Variants in MAG observed in about 807,000 individuals in gnomAD.
MAG encodes the protein myelin associated glycoprotein, also known as myelin-associated glycoprotein.
MAG carries 30 observed loss-of-function variants against 60.7 expected under a neutral mutation model. The ratio of observed to expected loss-of-function variants is 0.49; its 90% CI spans 0.37 to 0.67. The LOEUF is 0.67. Among genes scored for constraint, MAG ranks in the 30% least tolerant of loss-of-function variants. The pLI, the probability that MAG is intolerant of heterozygous loss-of-function variation, is 0.00. For missense variants in MAG, 795 were observed against 851.7 expected (o/e 0.93, Z 0.83); for synonymous variants, 384 against 376.8 (o/e 1.02, Z -0.22).
At chr19:35,304,479 GC>G (rs1368682486) in intron 7 of MAG, among the ~76,000 whole-genome samples, 1 of 152,120 alleles carries the variant, frequency 6.6e-6, no homozygotes, top group African/African-American at 2.4e-5. Flanking sequence ...TTAGGGGCCT[GC>G]CCTGGGCCAG....
intron 6 of MAG, 115 bp downstream of exon 6, chr19:35,300,519 T>C (rs1193572341): frequency 7.5e-7 from 1 of 1,342,008 alleles, no homozygotes; most frequent in African/African-American, 1.5e-5. Context: ...CCATAAACAG[T>C]CGAGGCCAAG....
At chr19:35,302,803 C>T in intron 7 of MAG, 95 bp downstream of exon 7, 2 of 1,473,780 alleles carry the variant, frequency 1.4e-6, no homozygotes, top group South Asian at 1.3e-5. Flanking sequence ...TCAGTATTGG[C>T]TTTGCCTGTC....
chr19:35,299,887 G>GGCGGAACCTGGCAGTCC, intron 5 of MAG, 37 bp downstream of exon 5: 1 of 1,116,506 alleles, frequency 9.0e-7, no homozygotes, highest in Non-Finnish European at 1.2e-6. Flanking sequence ...GTGGGGCGGG[G>GGCGGAACCTGGCAGTCC]TGGGGCGGGG....
chr19:35,296,037 A>G, intron 4 of MAG, 56 bp downstream of exon 4: 1 of 1,519,414 alleles, frequency 6.6e-7, no homozygotes, highest in East Asian at 2.3e-5. Flanking sequence ...GGCGGGAAGG[A>G]GTGTGGCCGG....
intron 10 of MAG, 136 bp from the exon 11 acceptor site, chr19:35,313,154 G>A: frequency 1.1e-6 from 1 of 906,136 alleles, no homozygotes; most frequent in South Asian, 2.5e-5. Flanking sequence ...TGGGCCTGCG[G>A]TCCTTGAGAA....
intron 7 of MAG, among the ~76,000 whole-genome samples, chr19:35,308,283 T>A (rs1599657129): frequency 6.6e-6 from 1 of 152,170 alleles, no homozygotes; most frequent in Admixed American, 6.5e-5. Flanking sequence ...GTGTTCCAAG[T>A]TGAGGGAGAA....
chr19:35,299,064 T>C (rs1435417974), intron 4 of MAG, among the ~76,000 whole-genome samples: 2 of 134,472 alleles, frequency 1.5e-5, no homozygotes, highest in African/African-American at 5.3e-5. Flanking sequence ...CACACACACA[T>C]ACCTACACAC....
chr19:35,304,175 ATCTTCAGGCACTT>A (rs533019419), intron 7 of MAG, among the ~76,000 whole-genome samples: 1 of 152,118 alleles, frequency 6.6e-6, no homozygotes, highest in African/African-American at 2.4e-5. Context: ...CTGACCTATA[ATCTTCAGGCACTT>A]TCCCTCCTGG....
chr19:35,300,112 C>CCTG (rs2066436977), intron 5 of MAG, 35 bp from the exon 6 acceptor site: 1 of 1,504,792 alleles, frequency 6.6e-7, no homozygotes, highest in Non-Finnish European at 8.9e-7. Flanking sequence ...TTCCCCAGCA[C>CCTG]CTGCTCACTA....
intron 4 of MAG, among the ~76,000 whole-genome samples, chr19:35,296,696 A>G (rs73031716): frequency 0.14 from 20,634 of 151,534 alleles, 1,669 homozygotes; most frequent in Non-Finnish European, 0.19. Flanking sequence ...CTGAGTCCCT[A>G]TGAGAGAGCC....
At position 35,294,173 on chromosome 19, in the gene MAG, G is replaced by C. The variant is rs917772823; in HGVS notation, c.-79-62G>C. 31 of 379,614 alleles carry C rather than the reference G, an allele frequency of 8.2e-5. 1 individual carries two copies. Among genetic ancestry groups the C allele is most frequent in the South Asian group, 5.6e-4 (30 of 53,580 alleles). 23.5% of individuals were successfully genotyped at this position (379,614 alleles called of 1,614,324 possible). The stretch of plus-strand genomic sequence containing the variant: ...CAACCCATGCAGGAGATACTGAAGC[G>C]GGGGTGGGTTGGGTGCCTCAATCCC... On this transcript the variant is annotated intron_variant, in intron 1 of 10. Coordinates refer to ENST00000392213, the MANE Select transcript of MAG (RefSeq NM_002361.4).
At chr19:35,312,109 T>G (rs1599660550) in intron 10 of MAG, 92 bp downstream of exon 10, 3 of 1,344,652 alleles carry the variant, frequency 2.2e-6, no homozygotes, top group Admixed American at 3.4e-5. Flanking sequence ...GGCAGGGGAG[T>G]GGGAGCGGCC....
rs910177404 is a variant in MAG, at chr19:35,296,225, G to A, written c.415+244G>A. Among the ~76,000 whole-genome samples, 3 of 152,218 alleles carry A rather than the reference G, an allele frequency of 2.0e-5. No individual in the cohort carries two copies. In the East Asian group the frequency reaches 5.8e-4, roughly 29 times the overall value. Reference sequence around the variant, plus strand: ...GGAAACAGGTGCTGCTACTCTTTTGGAAACACCTGGAGAAAGGCAGTGGGG... The same window carrying A: ...GGAAACAGGTGCTGCTACTCTTTTGAAAACACCTGGAGAAAGGCAGTGGGG... On this transcript the variant is annotated intron_variant, in intron 4 of 10. Coordinates refer to ENST00000392213, the MANE Select transcript of MAG (RefSeq NM_002361.4).
intron 7 of MAG, among the ~76,000 whole-genome samples, chr19:35,303,229 T>C (rs1728181168): frequency 6.6e-6 from 1 of 152,142 alleles, no homozygotes; most frequent in Non-Finnish European, 1.5e-5. Context: ...CAGCCTGGGG[T>C]GGGCTTTTGA....
At chr19:35,308,704 C>T (rs1322432524) in intron 7 of MAG, among the ~76,000 whole-genome samples, 6 of 152,204 alleles carry the variant, frequency 3.9e-5, no homozygotes, top group South Asian at 2.1e-4. Context: ...AGCAAAATCT[C>T]GCCTAAAGAA....
chr19:35,300,116 C>T, intron 5 of MAG, 31 bp from the exon 6 acceptor site: 1 of 1,507,712 alleles, frequency 6.6e-7, no homozygotes, highest in Non-Finnish European at 8.9e-7. Context: ...CCAGCACCTG[C>T]TCACTAACCT....
intron 9 of MAG, among the ~76,000 whole-genome samples, chr19:35,311,157 C>A (rs1025987290): frequency 6.6e-6 from 1 of 152,140 alleles, no homozygotes; most frequent in Non-Finnish European, 1.5e-5. Context: ...CATAGCAAGA[C>A]CACATCTCTA....
In MAG at chr19:35,311,435, G is replaced by A. The variant is rs56817268; in HGVS notation, c.1617-483G>A. On this transcript the variant is annotated intron_variant, in intron 9 of 10. Transcript: ENST00000392213. Reference sequence around the variant, plus strand: ...GCTATGATTTCACCACTGTACTCCAGCCTAGGTGACAAAGAGAGACCCTGT... The same window carrying A: ...GCTATGATTTCACCACTGTACTCCAACCTAGGTGACAAAGAGAGACCCTGT... Among the ~76,000 whole-genome samples the A allele has an allele frequency of 1.0e-2, 1,516 of 152,264 alleles. 33 individuals carry two copies. The highest frequency in any genetic ancestry group is 0.035 in the African/African-American group (1,445 of 41,546).
intron 4 of MAG, among the ~76,000 whole-genome samples, chr19:35,296,795 C>T (rs527391775): frequency 6.6e-6 from 1 of 151,772 alleles, no homozygotes; most frequent in African/African-American, 2.4e-5. Flanking sequence ...ACTGCACACT[C>T]TACCTACACA....
Sources: gnomAD v4.1 joint callset for allele counts (sites outside exome capture counted in the v4.1 genomes callset) on GRCh38, gnomAD v4.1.1 for gene constraint, MANE v1.5 for transcripts, NCBI Gene and HGNC (gene_info 2026-07-23, HGNC 2026-07-21) for gene names.